Variants in ANTXR1 observed in about 807,000 individuals in gnomAD.
The protein encoded by ANTXR1 is anthrax toxin receptor 1.
ANTXR1 carries 19 observed loss-of-function variants against 78.1 expected under a neutral mutation model. The observed-to-expected ratio is 0.24, with a 90% CI of 0.17 to 0.36. The LOEUF (loss-of-function observed/expected upper bound fraction) is 0.36. ANTXR1 is among the 10% of genes least tolerant of loss of function. The pLI is 1.00. For synonymous variants in ANTXR1, 273 were observed against 260.5 expected, an observed-to-expected ratio of 1.05 and a Z score of -0.46; for missense variants, 518 against 718.6, an observed-to-expected ratio of 0.72 and a Z score of 3.19.
chr2:69,154,402 T>C (rs6739353), intron 13 of ANTXR1, among the ~76,000 whole-genome samples: 85,465 of 152,008 alleles, frequency 0.56, 25,359 homozygotes, highest in East Asian at 0.9. Context: ...AACTACTTGC[T>C]GATCACTTGC....
intron 14 of ANTXR1, 87 bp from the exon 15 acceptor site, chr2:69,181,699 G>C: frequency 3.9e-6 from 5 of 1,284,916 alleles, no homozygotes; most frequent in Non-Finnish European, 5.7e-6. Context: ...GACTCTATAA[G>C]CTCTACTCCT....
chr2:69,137,275 C>A (rs763259115), intron 12 of ANTXR1, among the ~76,000 whole-genome samples: 1 of 152,160 alleles, frequency 6.6e-6, no homozygotes, highest in Non-Finnish European at 1.5e-5. Flanking sequence ...CTCCCCTCTG[C>A]ACTTCTAATT....
chr2:69,039,946 A>T (rs1669564830), intron 1 of ANTXR1, 98 bp from the exon 2 acceptor site: 2 of 977,344 alleles, frequency 2.0e-6, no homozygotes, highest in Non-Finnish European at 3.2e-6. Flanking sequence ...CAGTTATTGG[A>T]GAGGTCAAAT....
At chr2:69,111,944 A>G (rs142907942) in intron 10 of ANTXR1, among the ~76,000 whole-genome samples, 2,320 of 152,310 alleles carry the variant, frequency 0.015, 30 homozygotes, top group South Asian at 0.027. Context: ...ACTTCCCAAA[A>G]AAAAGCCTAT....
At chr2:69,142,716 C>T (rs901346520) in intron 12 of ANTXR1, among the ~76,000 whole-genome samples, 1 of 152,076 alleles carries the variant, frequency 6.6e-6, no homozygotes, top group Middle Eastern at 3.2e-3. Flanking sequence ...CAGCTAGCCA[C>T]GCAATGATAG....
chr2:69,107,588 TA>T (rs369693394), intron 10 of ANTXR1, among the ~76,000 whole-genome samples: 1,805 of 148,942 alleles, frequency 0.012, 35 homozygotes, highest in African/African-American at 0.042. Context: ...AATCTTGGTT[TA>T]AAAAAAAAAA....
chr2:69,193,085 G>T (rs1167363046), intron 16 of ANTXR1, among the ~76,000 whole-genome samples: 1 of 152,110 alleles, frequency 6.6e-6, no homozygotes, highest in East Asian at 1.9e-4. Context: ...TTGCAAACTT[G>T]GGGGGCACTC....
chr2:69,021,388 C>T (rs977890938), intron 1 of ANTXR1, among the ~76,000 whole-genome samples: 1 of 152,162 alleles, frequency 6.6e-6, no homozygotes, highest in Non-Finnish European at 1.5e-5. Context: ...TAACAAATAA[C>T]CCCCGAATCT....
chr2:69,022,176 C>G (rs191512439), intron 1 of ANTXR1, among the ~76,000 whole-genome samples: 83 of 152,182 alleles, frequency 5.5e-4, no homozygotes, highest in Middle Eastern at 3.4e-3. Context: ...ACCACTGCAG[C>G]AGCAGAGCTC....
At chr2:69,191,675 C>T (rs1278960273) in intron 16 of ANTXR1, among the ~76,000 whole-genome samples, 1 of 152,180 alleles carries the variant, frequency 6.6e-6, no homozygotes, top group East Asian at 1.9e-4. Flanking sequence ...TGGTCCCATA[C>T]AAAATTGATT....
At chr2:69,016,858 C>T (rs1671042186) in intron 1 of ANTXR1, among the ~76,000 whole-genome samples, 1 of 152,178 alleles carries the variant, frequency 6.6e-6, no homozygotes. Context: ...AAACAGTGTG[C>T]TCACTTCCAA....
chr2:69,182,327 C>A (rs1038783144), intron 15 of ANTXR1, among the ~76,000 whole-genome samples, 166 bp from the exon 16 acceptor site: 1 of 152,192 alleles, frequency 6.6e-6, no homozygotes, highest in African/African-American at 2.4e-5. Context: ...TTTGGTCCTC[C>A]CCTTTTCTCT....
chr2:69,245,843 T>C lies in ANTXR1; in HGVS notation c.*358T>C, dbSNP rs1458740188. The C allele has an allele frequency of 4.5e-6, 1 of 221,240 alleles. No homozygotes were observed. The highest frequency in any genetic ancestry group is 5.2e-5 in the Admixed American group (1 of 19,050). The allele number at this position is 221,240 out of a possible 1,614,324, so 13.7% of individuals were successfully genotyped here. A position where few individuals can be genotyped will look rare whatever the true frequency, so the allele number is the denominator to read the frequency against. ...AATGCAGAGTTGGATAAGAAATACA[T>C]TGCTGGGTTTCTAAAATGCTGCCTT... On this transcript the variant is annotated 3_prime_UTR_variant, in exon 18 of 18. Transcript: ENST00000303714.
intron 10 of ANTXR1, among the ~76,000 whole-genome samples, chr2:69,115,548 C>T (rs1672114951): frequency 6.6e-6 from 1 of 152,172 alleles, no homozygotes. Context: ...AAAAACCTTG[C>T]CCATGGTGAC....
At chr2:69,235,790 A>G (rs964657510) in intron 17 of ANTXR1, among the ~76,000 whole-genome samples, 16 of 148,368 alleles carry the variant, frequency 1.1e-4, no homozygotes, top group Admixed American at 1.0e-3. Context: ...AAAAAAAAAA[A>G]TAGCTTACAT....
chr2:69,034,743 T>A (rs1671628651), intron 1 of ANTXR1, among the ~76,000 whole-genome samples: 1 of 152,218 alleles, frequency 6.6e-6, no homozygotes, highest in African/African-American at 2.4e-5. Flanking sequence ...AAGGTTTTAA[T>A]TTCCACCTGC....
chr2:69,050,988 C>A (rs144549874), intron 3 of ANTXR1, among the ~76,000 whole-genome samples: 88 of 151,886 alleles, frequency 5.8e-4, no homozygotes, highest in African/African-American at 2.0e-3. Flanking sequence ...TCTGGTTTCT[C>A]GAAATAAAAG....
Position 69,230,082 on chromosome 2 carries a change from G to A in ANTXR1, c.1435-15143G>A, listed in dbSNP as rs932258706. The stretch of plus-strand genomic sequence containing the variant: ...AATTCTTTGTCTTGCCCCTTTGAAA[G>A]GTTTGAATTCTCAGAGCCAGTCCCT... On this transcript the variant is annotated intron_variant, in intron 17 of 17. Coordinates refer to ENST00000303714, the MANE Select transcript of ANTXR1 (RefSeq NM_032208.3). Among the ~76,000 whole-genome samples the A allele has an allele frequency of 2.5e-4, 38 of 152,202 alleles. 1 individual carries two copies. The highest frequency in any genetic ancestry group is 7.7e-4 in the African/African-American group (32 of 41,524).
chr2:69,169,464 G>A (rs73934770), intron 13 of ANTXR1, among the ~76,000 whole-genome samples: 8,407 of 152,256 alleles, frequency 0.055, 761 homozygotes, highest in African/African-American at 0.19. Context: ...AGGGGTACAA[G>A]TTGGGGTCAA....
Sources: allele counts gnomAD v4.1 joint callset (sites outside exome capture counted in the v4.1 genomes callset), GRCh38; gene constraint gnomAD v4.1.1; transcripts MANE v1.5; gene names NCBI Gene and HGNC (gene_info 2026-07-23, HGNC 2026-07-21).